The following SPATA13 variants were observed in gnomAD, a reference collection of about 807,000 sequenced individuals.
SPATA13 encodes spermatogenesis associated 13.
Under a neutral mutation model 104.0 loss-of-function variants are expected in SPATA13, and 50 were observed. That is an observed-to-expected ratio of 0.48 (90% CI 0.38 to 0.61). SPATA13 has a LOEUF of 0.61. Among genes scored for constraint, SPATA13 ranks in the 20% least tolerant of loss-of-function variants. The pLI, the probability that SPATA13 is intolerant of heterozygous loss-of-function variation, is 0.00. For missense variants in SPATA13, 1,524 were observed against 1,690.6 expected, an observed-to-expected ratio of 0.90 and a Z score of 1.73; for synonymous variants, 606 against 667.5, an observed-to-expected ratio of 0.91 and a Z score of 1.42.
intron 3 of SPATA13, among the ~76,000 whole-genome samples, chr13:24,037,975 A>C (rs1364171286): frequency 1.3e-5 from 2 of 151,536 alleles, no homozygotes; most frequent in South Asian, 2.1e-4. Context: ...GCAGTGGCAC[A>C]ATCTTGGCTC....
intron 2 of SPATA13, among the ~76,000 whole-genome samples, chr13:24,242,138 A>G (rs74040446): frequency 0.097 from 14,752 of 152,104 alleles, 744 homozygotes; most frequent in Middle Eastern, 0.11. Flanking sequence ...AATTTACTCC[A>G]TGAAACAAAA....
intron 1 of SPATA13, among the ~76,000 whole-genome samples, chr13:24,218,479 T>G (rs1046380027): frequency 1.3e-5 from 2 of 152,144 alleles, no homozygotes; most frequent in African/African-American, 4.8e-5. Context: ...CTCACTGGCA[T>G]GAATAGGGGT....
chr13:24,070,160 C>T (rs376554564), intron 3 of SPATA13, among the ~76,000 whole-genome samples: 6 of 152,302 alleles, frequency 3.9e-5, no homozygotes, highest in South Asian at 4.1e-4. Flanking sequence ...TGGACTAAAA[C>T]GGTTCCAGTG....
At chr13:24,248,787 G>A (rs2793489) in intron 2 of SPATA13, among the ~76,000 whole-genome samples, 152,259 of 152,306 alleles carry the variant, frequency 1, 76,106 homozygotes, top group Non-Finnish European at 1. Flanking sequence ...AGCAGTGGAT[G>A]GCATTACCCA....
At chr13:24,186,859 T>C (rs1345105946) in intron 1 of SPATA13, among the ~76,000 whole-genome samples, 1 of 152,186 alleles carries the variant, frequency 6.6e-6, no homozygotes, top group East Asian at 1.9e-4. Context: ...CTTTTGCATA[T>C]TCTCATGAAA....
intron 2 of SPATA13, among the ~76,000 whole-genome samples, chr13:24,016,344 T>C (rs1346958172): frequency 2.6e-5 from 4 of 152,194 alleles, no homozygotes; most frequent in Non-Finnish European, 5.9e-5. Flanking sequence ...GTAGCTACCA[T>C]TTCCATTTGG....
chr13:24,103,043 AT>A (rs1342534728), intron 3 of SPATA13, among the ~76,000 whole-genome samples: 2 of 152,154 alleles, frequency 1.3e-5, no homozygotes, highest in East Asian at 3.8e-4. Flanking sequence ...GAGTTAAACA[AT>A]TTTTTACGAG....
intron 1 of SPATA13, among the ~76,000 whole-genome samples, chr13:24,173,525 T>G (rs78578468): frequency 6.9e-6 from 1 of 145,804 alleles, no homozygotes; most frequent in Non-Finnish European, 1.5e-5. Context: ...TTTTTTTTTT[T>G]GGCCTTATTG....
intron 9 of SPATA13, among the ~76,000 whole-genome samples, chr13:24,294,476 G>A (rs1593511284): frequency 1.3e-5 from 2 of 152,316 alleles, no homozygotes; most frequent in South Asian, 4.1e-4. Flanking sequence ...GGCATTTACT[G>A]TCATTCATTG....
chr13:24,063,402 C>A (rs888222502), intron 3 of SPATA13, among the ~76,000 whole-genome samples: 2 of 152,156 alleles, frequency 1.3e-5, no homozygotes, highest in Non-Finnish European at 2.9e-5. Flanking sequence ...CATATTCCTT[C>A]CTGTACTTAT....
chr13:24,222,882 G>C lies in SPATA13; in HGVS notation c.-48G>C. The C allele has an allele frequency of 1.3e-6, 2 of 1,547,414 alleles. No homozygotes were observed. Among genetic ancestry groups the C allele is most frequent in the East Asian group, 2.5e-5 (1 of 40,794 alleles). ...TGAGTGCCAGGACGGCATTCCTGGA[G>C]ATGAAGGCCTGGAGCTGCGGTCTGC... On this transcript the variant is annotated 5_prime_UTR_variant, in exon 2 of 13. Transcript: ENST00000382108.
chr13:24,188,344 T>TA (rs34253672), intron 1 of SPATA13, among the ~76,000 whole-genome samples: 4 of 149,838 alleles, frequency 2.7e-5, no homozygotes, highest in African/African-American at 5.0e-5. Context: ...AAAAAAATAA[T>TA]AAAAAAAAAA....
At chr13:24,039,836 A>G (rs963829998) in intron 3 of SPATA13, among the ~76,000 whole-genome samples, 12 of 152,178 alleles carry the variant, frequency 7.9e-5, no homozygotes, top group African/African-American at 2.7e-4. Flanking sequence ...ATGATACCAC[A>G]TTTGCTCCAG....
Position 24,030,758 on chromosome 13 carries a change from C to G in SPATA13, c.-112+13057C>G, listed in dbSNP as rs904435394. On this transcript the variant is annotated intron_variant, in intron 3 of 14. Transcript: ENST00000424834. ...GTTCCTTTAAAAAAATATATTGACT[C>G]TAATATTCTTAGGTGTTCTGTAGTG... Among the ~76,000 whole-genome samples, 8 of 152,156 alleles carry G rather than the reference C, an allele frequency of 5.3e-5. No individual in the cohort carries two copies. The South Asian group carries it at 1.2e-3, about 24-fold the overall frequency.
At position 24,260,461 on chromosome 13, in the gene SPATA13, G is replaced by A. The variant is rs569888708; in HGVS notation, c.2164+8599G>A. On this transcript the variant is annotated intron_variant, in intron 4 of 12. Coordinates refer to ENST00000382108, the MANE Select transcript of SPATA13 (RefSeq NM_001166271.3). ...CCACAAGTAGAGTTGTATCCTCACC[G>A]GGAGTCAAGAGCATGACCCCACCAA... 2.6e-5 allele frequency among the ~76,000 whole-genome samples: 4 copies of A among 152,168 alleles called. No individual in the cohort carries two copies. The South Asian group carries it at 6.2e-4, about 24-fold the overall frequency.
At chr13:24,014,006 C>T (rs1876597083) in intron 2 of SPATA13, among the ~76,000 whole-genome samples, 1 of 152,166 alleles carries the variant, frequency 6.6e-6, no homozygotes. Flanking sequence ...CCTCCAAACC[C>T]GTCACGCAAA....
chr13:24,123,235 G>A (rs1189194397), intron 3 of SPATA13: 2 of 1,598,726 alleles, frequency 1.3e-6, no homozygotes, highest in Admixed American at 3.3e-5. Context: ...ATCAATACTT[G>A]AAGGGCAATG....
chr13:24,271,452 T>G (rs951658415), intron 4 of SPATA13, among the ~76,000 whole-genome samples: 2 of 152,236 alleles, frequency 1.3e-5, no homozygotes, highest in Non-Finnish European at 2.9e-5. Context: ...TAAAGTGACA[T>G]TACCCAGTAT....
At chr13:24,152,625 A>G (rs1882130005) in intron 3 of SPATA13, among the ~76,000 whole-genome samples, 1 of 152,224 alleles carries the variant, frequency 6.6e-6, no homozygotes, top group Non-Finnish European at 1.5e-5. Flanking sequence ...AGTGCTTTCA[A>G]TCACAGCAAA....
Sources: gnomAD v4.1 joint callset for allele counts (sites outside exome capture counted in the v4.1 genomes callset) on GRCh38, gnomAD v4.1.1 for gene constraint, MANE v1.5 for transcripts, NCBI Gene and HGNC (gene_info 2026-07-23, HGNC 2026-07-21) for gene names.